Variants in CTNNA3 observed in about 807,000 individuals in gnomAD.
CTNNA3 encodes catenin alpha-3.
CTNNA3 carries 76 observed loss-of-function variants against 95.7 expected under a neutral mutation model. The ratio of observed to expected loss-of-function variants is 0.79; its 90% CI spans 0.66 to 0.96. The LOEUF is 0.96. Among genes scored for constraint, CTNNA3 ranks in the 40% least tolerant of loss-of-function variants. CTNNA3 has a pLI of 0.00. For missense variants in CTNNA3, 1,191 were observed against 1,089.8 expected (o/e 1.09, Z -1.31); for synonymous variants, 431 against 374.4 (o/e 1.15, Z -1.74).
chr10:66,352,963 G>A (rs1046144372), intron 12 of CTNNA3, among the ~76,000 whole-genome samples: 1 of 151,836 alleles, frequency 6.6e-6, no homozygotes, highest in Non-Finnish European at 1.5e-5. Context: ...AATGAAGCAA[G>A]TTTTATTTCT....
rs187694618 is a variant in CTNNA3 at position 66,806,076 on chromosome 10, G to C, written c.1048-30552C>G. Among the ~76,000 whole-genome samples, 117 of 152,070 alleles carry C rather than the reference G, an allele frequency of 7.7e-4. No homozygotes were observed. The East Asian group carries it at 0.02, about 26-fold the overall frequency. On this transcript the variant is annotated intron_variant, in intron 7 of 17. Coordinates refer to ENST00000433211, the MANE Select transcript of CTNNA3 (RefSeq NM_013266.4). ...TTGGGAAAAAGGTCATTCTAATATA[G>C]TAACGTAAAATGCTCAATGATGAAC...
chr10:66,191,616 G>GAA (rs35947838), intron 13 of CTNNA3, among the ~76,000 whole-genome samples: 2 of 145,570 alleles, frequency 1.4e-5, no homozygotes, highest in Non-Finnish European at 1.5e-5. Context: ...TGTATGACTT[G>GAA]AAAAAAAAAA....
intron 12 of CTNNA3, among the ~76,000 whole-genome samples, chr10:66,359,912 T>C (rs1478123995): frequency 1.3e-5 from 2 of 151,826 alleles, no homozygotes; most frequent in Non-Finnish European, 2.9e-5. Context: ...CTGCAACCTC[T>C]GCCTCCCAAG....
At chr10:67,526,343 C>G (rs890904415) in intron 4 of CTNNA3, among the ~76,000 whole-genome samples, 1 of 141,960 alleles carries the variant, frequency 7.0e-6, no homozygotes, top group Non-Finnish European at 1.5e-5. Flanking sequence ...ATACATATCT[C>G]AAATGATTTT....
At chr10:66,550,348 G>C (rs1842176906) in intron 10 of CTNNA3, among the ~76,000 whole-genome samples, 2 of 152,036 alleles carry the variant, frequency 1.3e-5, no homozygotes, top group Non-Finnish European at 2.9e-5. Context: ...AAGTAGCTTA[G>C]AGTAAAATCT....
chr10:66,340,317 GT>G (rs2092440639), intron 12 of CTNNA3, among the ~76,000 whole-genome samples: 1 of 151,822 alleles, frequency 6.6e-6, no homozygotes, highest in Non-Finnish European at 1.5e-5. Context: ...TCTATGTCAA[GT>G]TCCAGAGATA....
In CTNNA3 at chr10:67,005,687, T is replaced by TTTTTGTTTGTTTGTTTG. The variant is rs1554895954; in HGVS notation, c.1047+174629_1047+174630insCAAACAAACAAACAAAA. Among the ~76,000 whole-genome samples the TTTTTGTTTGTTTGTTTG allele has an allele frequency of 5.2e-4, 53 of 102,322 alleles. 3 individuals are homozygous for TTTTTGTTTGTTTGTTTG. Among genetic ancestry groups the TTTTTGTTTGTTTGTTTG allele is most frequent in the African/African-American group, 1.5e-3 (49 of 32,448 alleles). The allele number at this position is 102,322 out of a possible 152,430, so 67.1% of individuals were successfully genotyped here. On this transcript the variant is annotated intron_variant, in intron 7 of 17. Coordinates refer to ENST00000433211, the MANE Select transcript of CTNNA3 (RefSeq NM_013266.4). ...TTTTGTTTATTTTACTCCATCTTTT[T>TTTTTGTTTGTTTGTTTG]TTTTTTTTTTTTTTTTGAGACGGAG...
At chr10:66,353,814 A>G (rs375918197) in intron 12 of CTNNA3, among the ~76,000 whole-genome samples, 2 of 152,188 alleles carry the variant, frequency 1.3e-5, no homozygotes, top group African/African-American at 4.8e-5. Flanking sequence ...GCTGAGATAA[A>G]TCTAGGGAGA....
intron 2 of CTNNA3, among the ~76,000 whole-genome samples, chr10:67,626,723 C>T (rs1373632408): frequency 6.6e-6 from 1 of 152,124 alleles, no homozygotes; most frequent in Admixed American, 6.5e-5. Flanking sequence ...ATTAAACTCC[C>T]TCATCTATTT....
intron 7 of CTNNA3, among the ~76,000 whole-genome samples, chr10:67,152,768 C>A (rs1157232777): frequency 8.0e-6 from 1 of 125,440 alleles, no homozygotes; most frequent in Non-Finnish European, 1.6e-5. Context: ...AATGATTATA[C>A]TTTTTCCTAT....
chr10:66,041,289 G>A (rs2079682572), intron 15 of CTNNA3, among the ~76,000 whole-genome samples: 3 of 152,174 alleles, frequency 2.0e-5, no homozygotes, highest in African/African-American at 4.8e-5. Flanking sequence ...TAGATTGGAG[G>A]AGCCAAAGGA....
intron 13 of CTNNA3, among the ~76,000 whole-genome samples, chr10:66,273,547 G>A (rs960899800): frequency 6.6e-5 from 10 of 152,132 alleles, no homozygotes; most frequent in African/African-American, 1.9e-4. Flanking sequence ...ACAGAATACA[G>A]CTGATGAATT....
chr10:66,077,239 G>C (rs1208576581), intron 14 of CTNNA3, among the ~76,000 whole-genome samples: 1 of 151,672 alleles, frequency 6.6e-6, no homozygotes, highest in Non-Finnish European at 1.5e-5. Flanking sequence ...TGGTTAAACT[G>C]TTATTTCTAG....
At chr10:66,428,754 G>C (rs1329121198) in intron 11 of CTNNA3, among the ~76,000 whole-genome samples, 1 of 152,066 alleles carries the variant, frequency 6.6e-6, no homozygotes, top group African/African-American at 2.4e-5. Context: ...ATTTAAAGCA[G>C]TGTGTAGAGG....
intron 7 of CTNNA3, among the ~76,000 whole-genome samples, chr10:66,817,569 G>A (rs1271793240): frequency 2.6e-5 from 4 of 151,808 alleles, no homozygotes; most frequent in South Asian, 2.1e-4. Flanking sequence ...TAACCTATAC[G>A]AAACAGACAA....
At chr10:67,383,590 C>T (rs1397781715) in intron 5 of CTNNA3, among the ~76,000 whole-genome samples, 1 of 152,150 alleles carries the variant, frequency 6.6e-6, no homozygotes, top group South Asian at 2.1e-4. Context: ...CTCAGAATCA[C>T]AACTAGAATG....
intron 7 of CTNNA3, among the ~76,000 whole-genome samples, chr10:67,120,397 T>A (rs1477951716): frequency 1.3e-5 from 2 of 151,978 alleles, no homozygotes; most frequent in Non-Finnish European, 2.9e-5. Context: ...GATTTTATCA[T>A]ACACATAGAC....
At chr10:66,886,762 C>A (rs1176749081) in intron 7 of CTNNA3, among the ~76,000 whole-genome samples, 1 of 152,168 alleles carries the variant, frequency 6.6e-6, no homozygotes, top group Non-Finnish European at 1.5e-5. Flanking sequence ...TACCCCATTT[C>A]AGACTGGCCC....
intron 1 of CTNNA3, among the ~76,000 whole-genome samples, chr10:67,715,045 C>T (rs537529077): frequency 7.9e-5 from 12 of 152,162 alleles, no homozygotes; most frequent in Non-Finnish European, 1.8e-4. Flanking sequence ...TAATACAGAC[C>T]TCTTCCTGAG....
Sources: allele counts gnomAD v4.1 joint callset (sites outside exome capture counted in the v4.1 genomes callset), GRCh38; gene constraint gnomAD v4.1.1; transcripts MANE v1.5; gene names NCBI Gene and HGNC (gene_info 2026-07-23, HGNC 2026-07-21).